ZNF175: variants seen among roughly 807,000 people sequenced by gnomAD.
The protein encoded by ZNF175 is zinc finger protein 175.
Under a neutral mutation model 14.0 loss-of-function variants are expected in ZNF175, and 8 were observed. That is an observed-to-expected ratio of 0.57 (90% confidence interval 0.34 to 1.03). The LOEUF (loss-of-function observed/expected upper bound fraction) is 1.03. ZNF175 is among the 50% of genes least tolerant of loss of function. The probability of loss-of-function intolerance (pLI) is 0.03; values close to 1 mark genes in which losing one functional copy is unlikely to be tolerated. For synonymous variants in ZNF175, 255 were observed against 296.8 expected, an observed-to-expected ratio of 0.86 and a Z score of 1.45; for missense variants, 764 against 849.5, an observed-to-expected ratio of 0.90 and a Z score of 1.25.
At chr19:51,579,400 A>T (rs1473997882) in intron 2 of ZNF175, among the ~76,000 whole-genome samples, 1 of 152,134 alleles carries the variant, frequency 6.6e-6, no homozygotes, top group East Asian at 1.9e-4. Context: ...CAGCTTGGGC[A>T]ACAGAGTGAG....
chr19:51,580,705 A>G (rs1040768260), intron 2 of ZNF175, among the ~76,000 whole-genome samples: 1 of 152,216 alleles, frequency 6.6e-6, no homozygotes, highest in African/African-American at 2.4e-5. Context: ...ACCACCTTCC[A>G]AACATGACAT....
chr19:51,583,040 A>C (rs1168729537), intron 4 of ZNF175, among the ~76,000 whole-genome samples: 1 of 152,058 alleles, frequency 6.6e-6, no homozygotes, highest in East Asian at 1.9e-4. Context: ...TTTCTAGTAG[A>C]GACGGGGTTT....
intron 2 of ZNF175, 91 bp downstream of exon 2, chr19:51,573,492 C>A: frequency 7.9e-7 from 1 of 1,258,924 alleles, no homozygotes; most frequent in Non-Finnish European, 1.1e-6. Flanking sequence ...CTGAGTCAGT[C>A]TTGAGCCTCC....
At chr19:51,584,189 C>A (rs1265588593) in intron 4 of ZNF175, among the ~76,000 whole-genome samples, 1 of 152,158 alleles carries the variant, frequency 6.6e-6, no homozygotes, top group Non-Finnish European at 1.5e-5. Flanking sequence ...ACATGGGAAG[C>A]ATGGATAGCA....
In ZNF175 at chr19:51,588,176, T is replaced by C. The variant is rs778094246; in HGVS notation, c.1845T>C (p.Phe615=). 3.6e-5 allele frequency: 58 copies of C among 1,614,054 alleles called. No individual in the cohort carries two copies. The East Asian group carries it at 1.2e-3, about 33-fold the overall frequency. ...TAACTCACACTAGAGAGAGGCCTTT[T>C]GTCTGTTACAAATGTGGGAAGGCTT... is the stretch of plus-strand genomic sequence containing the variant. ...HQITHTRERP[F]VCYKCGKAFV... Residue 615 remains phenylalanine (F), a synonymous_variant, in exon 5 of 5, where the codon TTT becomes TTC. Coordinates refer to ENST00000262259, the MANE Select transcript of ZNF175 (RefSeq NM_007147.4).
At position 51,588,328 on chromosome 19, in the gene ZNF175, C is replaced by CGG. The variant is rs1568578005; in HGVS notation, c.1999_2000dup (p.Arg669LysfsTer38). 1 of 1,614,012 alleles carries CGG rather than the reference C, an allele frequency of 6.2e-7. No homozygotes were observed. Among genetic ancestry groups the CGG allele is most frequent in the African/African-American group, 1.3e-5 (1 of 74,916 alleles). On this transcript the variant is annotated frameshift_variant, in exon 5 of 5. Coordinates refer to ENST00000262259, the MANE Select transcript of ZNF175 (RefSeq NM_007147.4). LOFTEE classifies it low-confidence loss of function (END_TRUNC). Reference sequence around the variant, plus strand: ...CTCAAGGTGCATCAGCGAATTCACACGGGAGAAAGACCTTATGTGTGTTCT... The same window carrying CGG: ...CTCAAGGTGCATCAGCGAATTCACACGGGGGAGAAAGACCTTATGTGTGTTCT...
chr19:51,581,971 A>C (rs889525666), intron 4 of ZNF175, 89 bp downstream of exon 4: 2 of 1,233,528 alleles, frequency 1.6e-6, no homozygotes, highest in Non-Finnish European at 2.3e-6. Context: ...CCATTCCCCC[A>C]GTGATGGCCC....
Position 51,588,423 on chromosome 19 carries a change from T to C in ZNF175, c.2092T>C (p.Ser698Pro). 6.3e-7 allele frequency: 1 copy of C among 1,592,136 alleles called. No homozygotes were observed. Among genetic ancestry groups the C allele is most frequent in the South Asian group, 1.1e-5 (1 of 87,322 alleles). The change falls in exon 5 of 5, where the codon TCT becomes CCT. Residue 698 changes from serine to proline, a missense_variant. Physicochemically the swap from Ser to Pro is moderately conservative, Grantham distance 74. Coordinates refer to ENST00000262259, the MANE Select transcript of ZNF175 (RefSeq NM_007147.4). ...KHQTTHTRDK[S>P]YKCSYSVKGF... ...CCAAACAACTCATACCAGAGACAAA[T>C]CTTACAAATGCAGTTATTCTGTGAA...
At chr19:51,582,020 G>A (rs1221637824) in intron 4 of ZNF175, 138 bp downstream of exon 4, 2 of 755,118 alleles carry the variant, frequency 2.6e-6, no homozygotes, top group Non-Finnish European at 2.2e-6. Flanking sequence ...ATCAAACACT[G>A]TAAATGTGCT....
chr19:51,587,495 A>AAAACTCTATGAATGCAGTG lies in ZNF175; in HGVS notation c.1167_1185dup (p.Cys396ThrfsTer3). ...GACATCAGAGAACTCACAGTAGAGA[A>AAAACTCTATGAATGCAGTG]AAACTCTATGAATGCAGTGAATGTG... On this transcript the variant is annotated frameshift_variant, in exon 5 of 5. Transcript: ENST00000262259. LOFTEE classifies it low-confidence loss of function (END_TRUNC). 1 of 1,614,226 alleles carries AAAACTCTATGAATGCAGTG rather than the reference A, an allele frequency of 6.2e-7. No individual in the cohort carries two copies. Among genetic ancestry groups the AAAACTCTATGAATGCAGTG allele is most frequent in the Non-Finnish European group, 8.5e-7 (1 of 1,180,036 alleles).
Position 51,588,615 on chromosome 19 carries a change from G to T in ZNF175, c.*148G>T. 1 of 841,130 alleles carries T rather than the reference G, an allele frequency of 1.2e-6. No homozygotes were observed. The allele number at this position is 841,130 out of a possible 1,614,324, so 52.1% of individuals were successfully genotyped here. ...GGATGCACTGCATGTGTGAACACAT[G>T]ATAAAAAAGTCATGCTTTATTTTAG... On this transcript the variant is annotated 3_prime_UTR_variant, in exon 5 of 5. Coordinates refer to ENST00000262259, the MANE Select transcript of ZNF175 (RefSeq NM_007147.4).
At position 51,589,963 on chromosome 19, in the gene ZNF175, C is replaced by A; in HGVS notation, c.*1496C>A. ...TACTCTTTCATTGATTTATAAAACTCAGATCTCTTACGTGTGTGGATGGTA... is the reference window on the plus strand; with the variant it reads ...TACTCTTTCATTGATTTATAAAACTAAGATCTCTTACGTGTGTGGATGGTA... On this transcript the variant is annotated 3_prime_UTR_variant, in exon 5 of 5. Coordinates refer to ENST00000262259, the MANE Select transcript of ZNF175 (RefSeq NM_007147.4). 4.3e-6 allele frequency: 1 copy of A among 230,566 alleles called. No homozygotes were observed. Among genetic ancestry groups the A allele is most frequent in the Admixed American group, 5.1e-5 (1 of 19,670 alleles). 14.3% of individuals were successfully genotyped at this position (230,566 alleles called of 1,614,324 possible). A position where few individuals can be genotyped will look rare whatever the true frequency, so the allele number is the denominator to read the frequency against.
rs1982319473 is a variant in ZNF175 at position 51,590,669 on chromosome 19, C to T, written c.*2202C>T. 6.6e-6 allele frequency: 1 copy of T among 152,370 alleles called. No individual in the cohort carries two copies. Among genetic ancestry groups the T allele is most frequent in the Middle Eastern group, 3.1e-3 (1 of 318 alleles). The allele number at this position is 152,370 out of a possible 1,614,324, so 9.4% of individuals were successfully genotyped here. A position where few individuals can be genotyped will look rare whatever the true frequency, so the allele number is the denominator to read the frequency against. ...AATCTGTTCTGTGTCTCACTGGCCTCTCCCTGTCCAGGGGCGTAGTATCAG... is the reference window on the plus strand; with the variant it reads ...AATCTGTTCTGTGTCTCACTGGCCTTTCCCTGTCCAGGGGCGTAGTATCAG... On this transcript the variant is annotated 3_prime_UTR_variant, in exon 5 of 5. Coordinates refer to ENST00000262259, the MANE Select transcript of ZNF175 (RefSeq NM_007147.4).
In ZNF175 at chr19:51,588,448, A is replaced by G. The variant is rs923593640; in HGVS notation, c.2117A>G (p.Lys706Arg). Reference sequence around the variant, plus strand: ...TCTTACAAATGCAGTTATTCTGTGAAAGGCTTTACCAAGCAATGAATTCCT... The same window carrying G: ...TCTTACAAATGCAGTTATTCTGTGAGAGGCTTTACCAAGCAATGAATTCCT... ...DKSYKCSYSVKGFTKQ is the reference protein window; with the variant it reads ...DKSYKCSYSVRGFTKQ The change falls in exon 5 of 5, where the codon AAA becomes AGA. Residue 706 changes from lysine (K) to arginine (R), a missense_variant. Physicochemically the swap from Lys to Arg is conservative, Grantham distance 26 (BLOSUM62 2). Coordinates refer to ENST00000262259, the MANE Select transcript of ZNF175 (RefSeq NM_007147.4). 3 of 1,564,304 alleles carry G rather than the reference A, an allele frequency of 1.9e-6. No homozygotes were observed. Among genetic ancestry groups the G allele is most frequent in the Non-Finnish European group, 1.7e-6 (2 of 1,158,732 alleles).
In ZNF175 at chr19:51,586,749, C is replaced by T; in HGVS notation, c.418C>T (p.Leu140=). 3 of 1,614,206 alleles carry T rather than the reference C, an allele frequency of 1.9e-6. No homozygotes were observed. Among genetic ancestry groups the T allele is most frequent in the Middle Eastern group, 1.6e-4 (1 of 6,062 alleles). Residue 140 remains leucine, a synonymous_variant, in exon 5 of 5, where the codon CTG becomes TTG. Coordinates refer to ENST00000262259, the MANE Select transcript of ZNF175 (RefSeq NM_007147.4). ...SWCSILEELR[L]DADRTKKDEQ... Reference sequence around the variant, plus strand: ...GTGTTCCATTTTAGAAGAACTGAGGCTGGATGCTGACCGCACAAAGAAAGA... The same window carrying T: ...GTGTTCCATTTTAGAAGAACTGAGGTTGGATGCTGACCGCACAAAGAAAGA...
Position 51,588,762 on chromosome 19 carries a change from G to C in ZNF175, c.*295G>C, listed in dbSNP as rs978003054. The C allele has an allele frequency of 4.7e-6, 2 of 425,248 alleles. No homozygotes were observed. The highest frequency in any genetic ancestry group is 8.3e-6 in the Non-Finnish European group (2 of 241,936). 26.3% of individuals were successfully genotyped at this position (425,248 alleles called of 1,614,324 possible). ...CTAACGCATTGAGAAAAGCCTTTCT[G>C]TAAAGAATGGTACAAGACAGGTTGT... is the stretch of plus-strand genomic sequence containing the variant. On this transcript the variant is annotated 3_prime_UTR_variant, in exon 5 of 5. Transcript: ENST00000262259.
intron 2 of ZNF175, among the ~76,000 whole-genome samples, chr19:51,579,370 A>T (rs892607954): frequency 6.6e-6 from 1 of 151,952 alleles, no homozygotes; most frequent in Non-Finnish European, 1.5e-5. Flanking sequence ...GCAGTGAGCC[A>T]TGCTCGTGCC....
At chr19:51,577,941 G>C (rs1459369400) in intron 2 of ZNF175, among the ~76,000 whole-genome samples, 1 of 151,438 alleles carries the variant, frequency 6.6e-6, no homozygotes, top group African/African-American at 2.4e-5. Flanking sequence ...GGGATTACAG[G>C]CGTGAGCCAC....
chr19:51,576,841 C>T (rs1471726251), intron 2 of ZNF175, among the ~76,000 whole-genome samples: 2 of 152,038 alleles, frequency 1.3e-5, no homozygotes, highest in Non-Finnish European at 2.9e-5. Context: ...ACTCTCATTT[C>T]GTGAAAGTGC....
Sources: gnomAD v4.1 joint callset for allele counts (sites outside exome capture counted in the v4.1 genomes callset) on GRCh38, gnomAD v4.1.1 for gene constraint, MANE v1.5 for transcripts, NCBI Gene and HGNC (gene_info 2026-07-23, HGNC 2026-07-21) for gene names.